Variants in STPG2 observed in about 807,000 individuals in gnomAD.
STPG2 encodes the protein sperm tail PG-rich repeat containing 2.
Under a neutral mutation model 54.2 loss-of-function variants are expected in STPG2, and 56 were observed. That is an observed-to-expected ratio of 1.03 (90% CI 0.83 to 1.29). The LOEUF (loss-of-function observed/expected upper bound fraction) is 1.29. Ranked by LOEUF, STPG2 falls within the 50% of genes most tolerant of loss-of-function variation. STPG2 has a pLI of 0.00. For synonymous variants in STPG2, 200 were observed against 181.8 expected (o/e 1.10, Z -0.81); for missense variants, 596 against 544.9 (o/e 1.09, Z -0.93).
At chr4:97,627,203 A>G (rs1734157170) in intron 10 of STPG2, among the ~76,000 whole-genome samples, 1 of 152,112 alleles carries the variant, frequency 6.6e-6, no homozygotes, top group South Asian at 2.1e-4. Context: ...ATATCTGGTA[A>G]ATTGAAGAGT....
chr4:97,841,123 G>T (rs1728789907), intron 8 of STPG2, among the ~76,000 whole-genome samples, 191 bp from the exon 9 acceptor site: 1 of 151,664 alleles, frequency 6.6e-6, no homozygotes, highest in South Asian at 2.1e-4. Context: ...AAATTTACTT[G>T]CCAAAATTAA....
chr4:98,094,155 T>C lies in STPG2; in HGVS notation c.612+11798A>G, dbSNP rs1036184029. On this transcript the variant is annotated intron_variant, in intron 5 of 10. Transcript: ENST00000295268. Reference sequence around the variant, plus strand: ...TATAGCAATGAAAGTGACTCCTTCCTTCTGCTTAAAGAGAGTGAAGAGTAA... The same window carrying C: ...TATAGCAATGAAAGTGACTCCTTCCCTCTGCTTAAAGAGAGTGAAGAGTAA... Among the ~76,000 whole-genome samples the C allele has an allele frequency of 7.9e-5, 12 of 152,284 alleles. No individual in the cohort carries two copies. In the South Asian group the frequency reaches 1.2e-3, roughly 16 times the overall value.
chr4:97,460,465 T>C (rs1729635611), intron 4 of STPG2, among the ~76,000 whole-genome samples: 1 of 152,078 alleles, frequency 6.6e-6, no homozygotes, highest in African/African-American at 2.4e-5. Context: ...CTGGAGACTT[T>C]AGGTCTTCAC....
chr4:97,684,627 A>G (rs1723132931), intron 10 of STPG2, among the ~76,000 whole-genome samples: 1 of 152,036 alleles, frequency 6.6e-6, no homozygotes, highest in Non-Finnish European at 1.5e-5. Context: ...TATAAAATAC[A>G]AAACCATACA....
At chr4:97,801,118 C>A (rs1253303497) in intron 9 of STPG2, among the ~76,000 whole-genome samples, 1 of 152,190 alleles carries the variant, frequency 6.6e-6, no homozygotes, top group African/African-American at 2.4e-5. Context: ...TTCTCTGACC[C>A]CTTGTGCTTC....
chr4:97,549,134 G>T (rs1731909642), intron 4 of STPG2, among the ~76,000 whole-genome samples: 1 of 152,178 alleles, frequency 6.6e-6, no homozygotes, highest in Non-Finnish European at 1.5e-5. Flanking sequence ...AGTTTCATCA[G>T]TGCTATTTAC....
At chr4:98,003,950 T>A (rs1735494312) in intron 5 of STPG2, among the ~76,000 whole-genome samples, 1 of 152,122 alleles carries the variant, frequency 6.6e-6, no homozygotes, top group African/African-American at 2.4e-5. Context: ...GTGAAATGAT[T>A]ATAATAATCA....
At chr4:97,483,229 C>G (rs566300903) in intron 4 of STPG2, among the ~76,000 whole-genome samples, 1 of 151,846 alleles carries the variant, frequency 6.6e-6, no homozygotes, top group African/African-American at 2.4e-5. Flanking sequence ...CCTCACATCT[C>G]AATACTAACA....
At chr4:97,704,184 G>A (rs1375951480) in intron 10 of STPG2, among the ~76,000 whole-genome samples, 3 of 151,990 alleles carry the variant, frequency 2.0e-5, no homozygotes, top group African/African-American at 7.2e-5. Context: ...TGAATACTCT[G>A]TATCCTTCAA....
intron 8 of STPG2, among the ~76,000 whole-genome samples, chr4:97,902,621 T>A (rs1177491194): frequency 1.3e-5 from 2 of 152,028 alleles, no homozygotes; most frequent in Admixed American, 6.5e-5. Context: ...TTAAGAAGGA[T>A]TATCATCAAA....
chr4:97,902,648 G>A (rs945113814), intron 8 of STPG2, among the ~76,000 whole-genome samples: 10 of 152,098 alleles, frequency 6.6e-5, no homozygotes, highest in East Asian at 1.9e-4. Context: ...AAAGGTAACC[G>A]GTGTAGCTGA....
chr4:97,828,199 A>T (rs1728324855), intron 9 of STPG2, among the ~76,000 whole-genome samples: 1 of 152,156 alleles, frequency 6.6e-6, no homozygotes, highest in Admixed American at 6.5e-5. Context: ...AGTTCATCTC[A>T]TTGGGACTGG....
chr4:97,460,612 T>C (rs565041019), intron 4 of STPG2, among the ~76,000 whole-genome samples: 1 of 152,292 alleles, frequency 6.6e-6, no homozygotes, highest in African/African-American at 2.4e-5. Flanking sequence ...GAAACATTTA[T>C]TAAAAGCATA....
rs145970255 is a variant in STPG2 at position 98,102,725 on chromosome 4, C to T, written c.612+3228G>A. Among the ~76,000 whole-genome samples the T allele has an allele frequency of 5.2e-4, 79 of 151,550 alleles. No individual in the cohort carries two copies. The East Asian group carries it at 0.014, about 27-fold the overall frequency. ...TCATTCTGTTATCTTTTCAATCGACCATCTGATTTTTCTTCTTCCCTTTAC... is the reference window on the plus strand; with the variant it reads ...TCATTCTGTTATCTTTTCAATCGACTATCTGATTTTTCTTCTTCCCTTTAC... On this transcript the variant is annotated intron_variant, in intron 5 of 10. Transcript: ENST00000295268.
In STPG2 at chr4:97,658,882, A is replaced by G. The variant is rs6829582; in HGVS notation, c.1320+53817T>C. 8.5e-4 allele frequency among the ~76,000 whole-genome samples: 130 copies of G among 152,308 alleles called. 1 individual carries two copies. Among genetic ancestry groups the G allele is most frequent in the African/African-American group, 3.0e-3 (125 of 41,572 alleles). ...CACAAACATTGAAAAATAAATGCAT[A>G]TGCTATAGAAATATCATTTAAGAAT... On this transcript the variant is annotated intron_variant, in intron 10 of 10. Transcript: ENST00000295268.
chr4:97,907,100 T>C (rs148201064), intron 8 of STPG2, among the ~76,000 whole-genome samples: 3 of 152,204 alleles, frequency 2.0e-5, no homozygotes, highest in African/African-American at 7.2e-5. Flanking sequence ...GACGACATGA[T>C]TGTATATCTA....
intron 7 of STPG2, among the ~76,000 whole-genome samples, chr4:97,969,290 A>T (rs901595854): frequency 3.2e-4 from 49 of 152,198 alleles, no homozygotes; most frequent in African/African-American, 1.2e-3. Flanking sequence ...TGATGCACAC[A>T]CTATGTCGTA....
intron 8 of STPG2, among the ~76,000 whole-genome samples, chr4:97,878,270 T>C (rs1271405533): frequency 6.6e-6 from 1 of 152,142 alleles, no homozygotes; most frequent in African/African-American, 2.4e-5. Context: ...TGGAGTACAA[T>C]GGATCTCTTT....
At chr4:97,829,643 T>C (rs546043031) in intron 9 of STPG2, among the ~76,000 whole-genome samples, 1 of 152,226 alleles carries the variant, frequency 6.6e-6, no homozygotes, top group South Asian at 2.1e-4. Context: ...GTGAGACGAA[T>C]TGTTAAATAG....
Sources: allele counts gnomAD v4.1 joint callset (sites outside exome capture counted in the v4.1 genomes callset), GRCh38; gene constraint gnomAD v4.1.1; transcripts MANE v1.5; gene names NCBI Gene and HGNC (gene_info 2026-07-23, HGNC 2026-07-21).